The following EXOC2 variants were observed in gnomAD, a reference collection of about 807,000 sequenced individuals.
The protein encoded by EXOC2 is SEC5-like 1.
Under a neutral mutation model 131.8 loss-of-function variants are expected in EXOC2, and 70 were observed. The ratio of observed to expected loss-of-function variants is 0.53; its 90% CI spans 0.44 to 0.65. EXOC2 has a LOEUF of 0.65. Among genes scored for constraint, EXOC2 ranks in the 30% least tolerant of loss-of-function variants. The probability of loss-of-function intolerance (pLI) is 0.00; values close to 1 mark genes in which losing one functional copy is unlikely to be tolerated. For synonymous variants in EXOC2, 411 were observed against 398.4 expected, an observed-to-expected ratio of 1.03 and a Z score of -0.38; for missense variants, 923 against 1,108.6, an observed-to-expected ratio of 0.83 and a Z score of 2.38.
intron 1 of EXOC2, among the ~76,000 whole-genome samples, chr6:651,491 T>C (rs1435434937): frequency 6.6e-6 from 1 of 150,794 alleles, no homozygotes; most frequent in Non-Finnish European, 1.5e-5. Flanking sequence ...CCATCTCTAA[T>C]AAAAATACAA....
intron 11 of EXOC2, among the ~76,000 whole-genome samples, chr6:585,184 TC>T (rs1265562159): frequency 6.6e-6 from 1 of 152,228 alleles, no homozygotes; most frequent in African/African-American, 2.4e-5. Context: ...CATAAACTCT[TC>T]CATCAGTATT....
chr6:655,478 G>C (rs1763030994), intron 1 of EXOC2, among the ~76,000 whole-genome samples: 1 of 152,192 alleles, frequency 6.6e-6, no homozygotes, highest in South Asian at 2.1e-4. Context: ...CAAACTTGGA[G>C]TATCTCTGAG....
chr6:598,658 C>G (rs998925646), intron 9 of EXOC2, among the ~76,000 whole-genome samples: 2 of 152,190 alleles, frequency 1.3e-5, no homozygotes, highest in African/African-American at 4.8e-5. Context: ...AGGCGAACAA[C>G]CTAGAGTCGT....
At chr6:587,378 G>A (rs1243467582) in intron 11 of EXOC2, among the ~76,000 whole-genome samples, 1 of 151,988 alleles carries the variant, frequency 6.6e-6, no homozygotes, top group African/African-American at 2.4e-5. Context: ...CCAAGTAGCT[G>A]GGACTACAGG....
intron 9 of EXOC2, among the ~76,000 whole-genome samples, chr6:598,612 A>C (rs940108114): frequency 2.6e-5 from 4 of 152,214 alleles, no homozygotes; most frequent in Admixed American, 6.5e-5. Context: ...AGACTTTCTA[A>C]CAGCGTGATG....
chr6:532,320 G>T, intron 23 of EXOC2, 149 bp downstream of exon 23: 1 of 774,410 alleles, frequency 1.3e-6, no homozygotes, highest in Non-Finnish European at 1.8e-6. Context: ...TCCAAGAAAT[G>T]GGTTTAAGCA....
intron 1 of EXOC2, chr6:656,471 G>GCGGATGCT: frequency 6.2e-7 from 1 of 1,611,478 alleles, no homozygotes; most frequent in South Asian, 1.1e-5. Flanking sequence ...AGCGCGGCAG[G>GCGGATGCT]CGGATGCTCG....
chr6:585,369 G>A (rs886279590), intron 11 of EXOC2, among the ~76,000 whole-genome samples: 5 of 152,132 alleles, frequency 3.3e-5, no homozygotes, highest in Admixed American at 3.3e-4. Context: ...GAGGTGCAAG[G>A]GTGAGCTCCT....
chr6:531,417 G>GCACAGAAAAGTGTGTT (rs1326549987), intron 23 of EXOC2, among the ~76,000 whole-genome samples: 16 of 151,520 alleles, frequency 1.1e-4, no homozygotes, highest in Admixed American at 5.3e-4. Flanking sequence ...AAAAGTGTGT[G>GCACAGAAAAGTGTGTT]CACAGAAAAG....
intron 1 of EXOC2, among the ~76,000 whole-genome samples, chr6:654,432 G>A (rs1762964413): frequency 6.6e-6 from 1 of 152,128 alleles, no homozygotes; most frequent in South Asian, 2.1e-4. Context: ...AACCAGCACG[G>A]ATGACTTTAA....
chr6:521,809 T>G (rs1369406279), intron 23 of EXOC2, among the ~76,000 whole-genome samples: 3 of 152,200 alleles, frequency 2.0e-5, no homozygotes, highest in African/African-American at 7.2e-5. Flanking sequence ...ATTACAGGTG[T>G]GAACCACCAT....
chr6:582,177 A>G (rs1012378123), intron 11 of EXOC2, among the ~76,000 whole-genome samples: 10 of 152,216 alleles, frequency 6.6e-5, no homozygotes, highest in Non-Finnish European at 1.2e-4. Context: ...CTTCCAGGAA[A>G]CCATATCAGT....
intron 13 of EXOC2, among the ~76,000 whole-genome samples, chr6:567,090 C>A (rs1186117511): frequency 6.6e-6 from 1 of 152,224 alleles, no homozygotes; most frequent in Non-Finnish European, 1.5e-5. Context: ...TGGTTTCCCC[C>A]ACATTTGTCC....
chr6:557,617 C>CAAAAAAA (rs59474432), intron 17 of EXOC2, among the ~76,000 whole-genome samples: 2 of 111,148 alleles, frequency 1.8e-5, no homozygotes, highest in Non-Finnish European at 3.4e-5. Flanking sequence ...GACTTCATCT[C>CAAAAAAA]AAAAAAAAAA....
In EXOC2 at chr6:628,753, A is replaced by C. The variant is rs190482483; in HGVS notation, c.422+1082T>G. ...AGCACCCATAAGGGGCTTACTATCA[A>C]CTGCAAGTCTATTCATGCTTAAAAC... On this transcript the variant is annotated intron_variant, in intron 4 of 27. Transcript: ENST00000230449. Among the ~76,000 whole-genome samples, 326 of 152,328 alleles carry C rather than the reference A, an allele frequency of 2.1e-3. 2 individuals carry two copies. Among genetic ancestry groups the C allele is most frequent in the Non-Finnish European group, 3.9e-3 (268 of 68,030 alleles).
intron 1 of EXOC2, among the ~76,000 whole-genome samples, chr6:683,717 C>T (rs548576366): frequency 6.6e-6 from 1 of 152,358 alleles, no homozygotes; most frequent in East Asian, 1.9e-4. Flanking sequence ...TCCAAAAATA[C>T]ATCAACTTTG....
chr6:662,609 A>G (rs1477779719), intron 1 of EXOC2, among the ~76,000 whole-genome samples: 1 of 152,226 alleles, frequency 6.6e-6, no homozygotes, highest in Non-Finnish European at 1.5e-5. Context: ...AAACTGAATG[A>G]CAATAATGAC....
chr6:527,164 T>A (rs17134451), intron 23 of EXOC2, among the ~76,000 whole-genome samples: 2,987 of 152,342 alleles, frequency 0.02, 101 homozygotes, highest in African/African-American at 0.068. Flanking sequence ...CTCAGAGAGC[T>A]ACATTAAACT....
At chr6:620,558 A>C (rs1337341458) in intron 4 of EXOC2, among the ~76,000 whole-genome samples, 2 of 152,180 alleles carry the variant, frequency 1.3e-5, no homozygotes, top group African/African-American at 4.8e-5. Context: ...GTATCTCTTT[A>C]ACAGTTACGC....
Sources: allele counts gnomAD v4.1 joint callset (sites outside exome capture counted in the v4.1 genomes callset), GRCh38; gene constraint gnomAD v4.1.1; transcripts MANE v1.5; gene names NCBI Gene and HGNC (gene_info 2026-07-23, HGNC 2026-07-21).